SMC5: variants seen among roughly 807,000 people sequenced by gnomAD.
SMC5 encodes structural maintenance of chromosomes 5, also known as structural maintenance of chromosomes protein 5.
Under a neutral mutation model 148.3 loss-of-function variants are expected in SMC5, and 88 were observed. The ratio of observed to expected loss-of-function variants is 0.59; its 90% CI spans 0.50 to 0.71. SMC5 has a LOEUF of 0.71. SMC5 is among the 30% of genes least tolerant of loss of function. SMC5 has a pLI of 0.00. For synonymous variants in SMC5, 421 were observed against 432.8 expected (o/e 0.97, Z 0.34); for missense variants, 1,142 against 1,298.9 (o/e 0.88, Z 1.86).
At chr9:70,303,822 G>A (rs894848435) in intron 10 of SMC5, among the ~76,000 whole-genome samples, 2 of 152,124 alleles carry the variant, frequency 1.3e-5, no homozygotes, top group Admixed American at 1.3e-4. Flanking sequence ...ATAGATTATA[G>A]TACATAAATA....
At position 70,297,948 on chromosome 9, in the gene SMC5, C is replaced by G; in HGVS notation, c.1054-18C>G. On this transcript the variant is annotated intron_variant, in intron 8 of 24. Transcript: ENST00000361138. ...GAGGAAAACAGTCTCAAGTACTAAC[C>G]TACTTTTGTTTTATTAGATTGAGGA... 2 of 1,604,614 alleles carry G rather than the reference C, an allele frequency of 1.2e-6. No individual in the cohort carries two copies. The highest frequency in any genetic ancestry group is 1.7e-6 in the Non-Finnish European group (2 of 1,177,172).
At chr9:70,300,317 T>A in intron 10 of SMC5, 117 bp downstream of exon 10, 1 of 846,640 alleles carries the variant, frequency 1.2e-6, no homozygotes, top group South Asian at 1.9e-5. Context: ...ACTTGTGGCA[T>A]CTGGCATACT....
rs2118831553 is a variant in SMC5 at position 70,346,628 on chromosome 9, A to G, written c.2547A>G (p.Gly849=). Residue 849 remains glycine, a synonymous_variant, in exon 19 of 25, where the codon GGA becomes GGG. Transcript: ENST00000361138. ...AGCAAGTACCCACCATTCCAAATGG[A>G]CACAACTCCTCACTCCCCATGGTAT... The part of the protein sequence containing the change: ...YQTQVPTIPN[G]HNSSLPMVFQ... The G allele has an allele frequency of 6.2e-7, 1 of 1,614,042 alleles. No homozygotes were observed. Among genetic ancestry groups the G allele is most frequent in the Non-Finnish European group, 8.5e-7 (1 of 1,179,952 alleles).
intron 11 of SMC5, among the ~76,000 whole-genome samples, chr9:70,310,317 A>G (rs1587676505): frequency 6.6e-6 from 1 of 152,246 alleles, no homozygotes. Flanking sequence ...GTTTGCAGGC[A>G]TGAAAACAAC....
intron 17 of SMC5, 55 bp from the exon 18 acceptor site, chr9:70,344,089 C>T: frequency 8.9e-7 from 1 of 1,123,358 alleles, no homozygotes; most frequent in Non-Finnish European, 1.2e-6. Context: ...TTTAATAAAA[C>T]ATCCCTCTGC....
intron 11 of SMC5, among the ~76,000 whole-genome samples, chr9:70,314,262 A>T (rs1460988596): frequency 3.3e-5 from 5 of 152,122 alleles, no homozygotes; most frequent in Admixed American, 2.6e-4. Context: ...CAGATTGGGG[A>T]ATGCCCCCAA....
chr9:70,310,543 TA>T (rs2035629958), intron 11 of SMC5, among the ~76,000 whole-genome samples: 1 of 152,190 alleles, frequency 6.6e-6, no homozygotes, highest in Admixed American at 6.5e-5. Context: ...AGCATAATTC[TA>T]AAGGGCCCTA....
Position 70,264,330 on chromosome 9 carries a change from C to G in SMC5, c.212C>G (p.Pro71Arg), listed in dbSNP as rs771111743. 1 of 1,613,826 alleles carries G rather than the reference C, an allele frequency of 6.2e-7. No homozygotes were observed. Residue 71 changes from proline (P) to arginine (R), a missense_variant, in exon 2 of 25, where the codon CCT becomes CGT. Around this residue, in one of 5 missense-constraint regions of SMC5, gnomAD observed 297 missense variants for 302.6 expected, o/e 0.98. Transcript: ENST00000361138. The stretch of plus-strand genomic sequence containing the variant: ...ACATATGATATTTGTGAAGTATCTC[C>G]TGGACCCCACTTGAATATGATCGTT... The part of the protein sequence containing the change: ...FLTYDICEVS[P>R]GPHLNMIVGA...
Position 70,318,927 on chromosome 9 carries a change from G to T in SMC5, c.2114G>T (p.Arg705Ile), listed in dbSNP as rs780880319. Residue 705 changes from arginine to isoleucine, a missense_variant, in exon 15 of 25, where the codon AGA (arginine) becomes ATA (isoleucine). This residue lies in a region of SMC5 where 743 missense variants were observed against 835.7 expected (regional missense o/e 0.89). Transcript: ENST00000361138. Reference protein sequence around the residue: ...KELLERKTKKRQLEQKISSKL... With the variant: ...KELLERKTKKIQLEQKISSKL... ...CTTCTTGAGAGAAAAACCAAGAAAA[G>T]ACAACTGGAACAAAAAATCAGTTCC... is the stretch of plus-strand genomic sequence containing the variant. The T allele has an allele frequency of 3.1e-6, 5 of 1,609,860 alleles. No homozygotes were observed. Among genetic ancestry groups the T allele is most frequent in the Non-Finnish European group, 4.2e-6 (5 of 1,178,608 alleles).
chr9:70,288,475 T>C (rs2034968921), intron 8 of SMC5, among the ~76,000 whole-genome samples: 1 of 152,068 alleles, frequency 6.6e-6, no homozygotes, highest in Non-Finnish European at 1.5e-5. Context: ...GTTGACTATT[T>C]AATAATTTCC....
At position 70,277,311 on chromosome 9, in the gene SMC5, T is replaced by G; in HGVS notation, c.382T>G (p.Phe128Val). 1.3e-6 allele frequency: 2 copies of G among 1,554,542 alleles called. No homozygotes were observed. The highest frequency in any genetic ancestry group is 1.7e-6 in the Non-Finnish European group (2 of 1,154,490). ...CSRGMVEIELFRASGNLVITR... is the reference protein window; with the variant it reads ...CSRGMVEIELVRASGNLVITR... ...ATTCTTAAATTATTTTTTAATTAGG[T>G]TCAGGGCTTCTGGAAATCTTGTAAT... The change falls in exon 4 of 25, where the codon TTC becomes GTC. Residue 128 changes from phenylalanine to valine, a missense_variant and splice_region_variant. Around this residue, in one of 5 missense-constraint regions of SMC5, gnomAD observed 297 missense variants for 302.6 expected, o/e 0.98. Transcript: ENST00000361138.
chr9:70,333,035 T>TA (rs1172862757), intron 17 of SMC5, among the ~76,000 whole-genome samples: 1 of 152,156 alleles, frequency 6.6e-6, no homozygotes, highest in Non-Finnish European at 1.5e-5. Context: ...TGCCTACCCT[T>TA]ACCACTTCTA....
intron 15 of SMC5, among the ~76,000 whole-genome samples, chr9:70,320,075 T>C (rs2035905700): frequency 6.6e-6 from 1 of 152,236 alleles, no homozygotes; most frequent in African/African-American, 2.4e-5. Flanking sequence ...AATTATAGTT[T>C]GTCATTTTTT....
rs374078088 is a variant in SMC5, at chr9:70,347,737, T to C, written c.2769+20T>C. 25 of 1,428,096 alleles carry C rather than the reference T, an allele frequency of 1.8e-5. No individual in the cohort carries two copies. The highest frequency in any genetic ancestry group is 1.9e-6 in the Non-Finnish European group (2 of 1,045,162). 88.5% of individuals were successfully genotyped at this position (1,428,096 alleles called of 1,614,324 possible). ...TCACAGGTAATTTTTTAGTTTTTAA[T>C]CTTTTTATCATGTGATTATTAATGA... On this transcript the variant is annotated intron_variant, in intron 21 of 24. Coordinates refer to ENST00000361138, the MANE Select transcript of SMC5 (RefSeq NM_015110.4).
chr9:70,297,561 CTTGTAATCTTTATTATCATTTTTATTAT>C (rs2118375893), intron 8 of SMC5, among the ~76,000 whole-genome samples: 1 of 152,198 alleles, frequency 6.6e-6, no homozygotes, highest in Non-Finnish European at 1.5e-5. Context: ...AATAGGGTGA[CTTGTAATCTTTATTATCATTTTTATTAT>C]TTATGGAAAC....
chr9:70,301,549 A>G (rs575597547), intron 10 of SMC5, among the ~76,000 whole-genome samples: 1 of 152,340 alleles, frequency 6.6e-6, no homozygotes, highest in African/African-American at 2.4e-5. Context: ...AATTTTAGTC[A>G]TATAAATGGT....
chr9:70,328,522 A>G (rs1355461383), intron 17 of SMC5, among the ~76,000 whole-genome samples: 1 of 152,220 alleles, frequency 6.6e-6, no homozygotes, highest in Non-Finnish European at 1.5e-5. Flanking sequence ...TCTCACATCA[A>G]GGCCACACTG....
At chr9:70,285,694 AT>A (rs2034879104) in intron 7 of SMC5, among the ~76,000 whole-genome samples, 1 of 152,218 alleles carries the variant, frequency 6.6e-6, no homozygotes, top group Non-Finnish European at 1.5e-5. Context: ...CTATGTTTGA[AT>A]TACATATTAT....
At chr9:70,279,647 T>C (rs2034693546) in intron 5 of SMC5, among the ~76,000 whole-genome samples, 1 of 151,908 alleles carries the variant, frequency 6.6e-6, no homozygotes, top group African/African-American at 2.4e-5. Flanking sequence ...TGAAACCCTG[T>C]CTCTACTAAA....
Sources: gnomAD v4.1 joint callset for allele counts (sites outside exome capture counted in the v4.1 genomes callset) on GRCh38, gnomAD v4.1.1 for gene constraint, gnomAD v4.1.1 regional missense constraint, MANE v1.5 for transcripts, NCBI Gene and HGNC (gene_info 2026-07-23, HGNC 2026-07-21) for gene names.